Variants in TRIM4 observed in about 807,000 individuals in gnomAD.
TRIM4 encodes E3 ubiquitin-protein ligase TRIM4.
Under a neutral mutation model 33.7 loss-of-function variants are expected in TRIM4, and 29 were observed. The observed-to-expected ratio is 0.86, with a 90% confidence interval of 0.64 to 1.17. The LOEUF (loss-of-function observed/expected upper bound fraction) is 1.17, where lower values mean the gene tolerates loss of function less well. Among genes scored for constraint, TRIM4 ranks in the 50% most tolerant of loss-of-function variants. The probability of loss-of-function intolerance (pLI) is 0.00; values close to 1 mark genes in which losing one functional copy is unlikely to be tolerated. For missense variants in TRIM4, 554 were observed against 593.7 expected (o/e 0.93, Z 0.69); for synonymous variants, 224 against 233.0 (o/e 0.96, Z 0.35).
chr7:99,909,733 T>TTG, intron 1 of TRIM4, 73 bp from the exon 2 acceptor site: 3 of 897,256 alleles, frequency 3.3e-6, no homozygotes, highest in Non-Finnish European at 4.7e-6. Context: ...CTTTTTGTTT[T>TTG]TTTTTTTTTT....
At chr7:99,912,028 G>A (rs1819456927) in intron 1 of TRIM4, among the ~76,000 whole-genome samples, 1 of 152,126 alleles carries the variant, frequency 6.6e-6, no homozygotes, top group African/African-American at 2.4e-5. Flanking sequence ...TTTATATGAA[G>A]TTCTGGAACA....
intron 5 of TRIM4, among the ~76,000 whole-genome samples, chr7:99,896,980 GGGAGAT>G (rs2151642236): frequency 6.6e-6 from 1 of 152,346 alleles, no homozygotes; most frequent in African/African-American, 2.4e-5. Flanking sequence ...GCTGCAACTA[GGGAGAT>G]ATTAGCTCAG....
In TRIM4 at chr7:99,916,771, G is replaced by T. The variant is rs752806534; in HGVS notation, c.393+2238C>A. ...TCCATTCATCCACGTGGATGTCAAAGTTACCTGTCTAAAACAAAAAAAACG... is the reference window on the plus strand; with the variant it reads ...TCCATTCATCCACGTGGATGTCAAATTTACCTGTCTAAAACAAAAAAAACG... On this transcript the variant is annotated intron_variant, in intron 1 of 5. Coordinates refer to ENST00000349062, the MANE Select transcript of TRIM4 (RefSeq NM_033091.3). 3 of 780,826 alleles carry T rather than the reference G, an allele frequency of 3.8e-6. No individual in the cohort carries two copies. The African/African-American group carries it at 5.1e-5, about 13-fold the overall frequency. 48.4% of individuals were successfully genotyped at this position (780,826 alleles called of 1,614,324 possible).
intron 1 of TRIM4, among the ~76,000 whole-genome samples, chr7:99,917,146 T>C (rs541207143): frequency 5.3e-4 from 80 of 152,260 alleles, no homozygotes; most frequent in Non-Finnish European, 8.8e-4. Context: ...ACCTCAGACC[T>C]TCTGTACACT....
At chr7:99,916,530 T>G (rs1365663804) in intron 1 of TRIM4, among the ~76,000 whole-genome samples, 1 of 152,232 alleles carries the variant, frequency 6.6e-6, no homozygotes, top group African/African-American at 2.4e-5. Flanking sequence ...TCAGTTAACC[T>G]GACAGTCATC....
chr7:99,905,521 A>T (rs1819280795), intron 3 of TRIM4, among the ~76,000 whole-genome samples: 1 of 152,232 alleles, frequency 6.6e-6, no homozygotes, highest in South Asian at 2.1e-4. Context: ...GGAATACGAC[A>T]GTACTATACA....
chr7:99,918,916 G>T, intron 1 of TRIM4, 93 bp downstream of exon 1: 2 of 1,376,980 alleles, frequency 1.5e-6, no homozygotes, highest in South Asian at 1.4e-5. Flanking sequence ...CAGTAGGAAT[G>T]ACAGCCACTT....
intron 5 of TRIM4, among the ~76,000 whole-genome samples, chr7:99,896,522 C>A (rs575846554): frequency 3.4e-4 from 52 of 152,338 alleles, no homozygotes; most frequent in African/African-American, 1.2e-3. Context: ...TCCTGGACCA[C>A]CCAGCATATA....
intron 5 of TRIM4, among the ~76,000 whole-genome samples, chr7:99,898,777 G>A (rs1819083988): frequency 1.3e-5 from 2 of 152,150 alleles, no homozygotes; most frequent in South Asian, 4.1e-4. Flanking sequence ...GGTGGAAGCT[G>A]CACATTAATT....
chr7:99,894,943 ATG>A (rs886984648), intron 5 of TRIM4, among the ~76,000 whole-genome samples: 1 of 152,086 alleles, frequency 6.6e-6, no homozygotes. Context: ...GACATTAGTA[ATG>A]TGTGTTTTCT....
intron 5 of TRIM4, among the ~76,000 whole-genome samples, chr7:99,896,057 C>G (rs900471171): frequency 1.1e-4 from 17 of 151,650 alleles, no homozygotes; most frequent in Non-Finnish European, 2.1e-4. Context: ...TATTATTTTG[C>G]TGTTTTCTAT....
chr7:99,902,195 C>A (rs749355384), intron 5 of TRIM4: 6 of 762,140 alleles, frequency 7.9e-6, no homozygotes, highest in Non-Finnish European at 2.4e-6. Context: ...GAAAACAACT[C>A]GTTTATTTAC....
chr7:99,906,673 C>T (rs1377482074), intron 3 of TRIM4, among the ~76,000 whole-genome samples: 2 of 151,798 alleles, frequency 1.3e-5, no homozygotes, highest in Admixed American at 6.6e-5. Flanking sequence ...GAGAAGAAAC[C>T]CAAGGACCAA....
At chr7:99,901,866 TTCTC>T (rs1819178259) in intron 5 of TRIM4, 1 of 500,578 alleles carries the variant, frequency 2.0e-6, no homozygotes, top group South Asian at 3.3e-5. Flanking sequence ...ATGGCGAGGG[TTCTC>T]TCTGTGTCCG....
rs78857058 is a variant in TRIM4 at position 99,907,787 on chromosome 7, A to C, written c.720+795T>G. Among the ~76,000 whole-genome samples the C allele has an allele frequency of 4.1e-3, 625 of 152,354 alleles. 2 individuals carry two copies. The highest frequency in any genetic ancestry group is 0.014 in the African/African-American group (581 of 41,570). On this transcript the variant is annotated intron_variant, in intron 3 of 5. Coordinates refer to ENST00000349062, the MANE Select transcript of TRIM4 (RefSeq NM_033091.3). ...CAGAATGTTGTCTCTTGCTTATGAA[A>C]AAAAAATAGTAATGGTAGACAGAAA...
chr7:99,893,165 G>A (rs187144345), intron 5 of TRIM4, among the ~76,000 whole-genome samples: 10 of 152,338 alleles, frequency 6.6e-5, no homozygotes, highest in Admixed American at 6.5e-4. Flanking sequence ...TACTGGGGAG[G>A]CTGAGGCAGA....
At chr7:99,909,232 T>C (rs995109636) in intron 2 of TRIM4, among the ~76,000 whole-genome samples, 1 of 151,362 alleles carries the variant, frequency 6.6e-6, no homozygotes, top group Non-Finnish European at 1.5e-5. Context: ...ACCTAGGGAG[T>C]ATATTTAGGA....
rs577791728 is a variant in TRIM4, at chr7:99,917,513, A to G, written c.393+1496T>C. Among the ~76,000 whole-genome samples, 4 of 152,192 alleles carry G rather than the reference A, an allele frequency of 2.6e-5. No individual in the cohort carries two copies. In the South Asian group the frequency reaches 8.3e-4, roughly 32 times the overall value. On this transcript the variant is annotated intron_variant, in intron 1 of 5. Transcript: ENST00000349062. ...GGTGGGTGGATCACCTGAGGTCAGG[A>G]GTTCGAGACCAGCCTGACCAACATA... is the stretch of plus-strand genomic sequence containing the variant.
chr7:99,903,323 G>A lies in TRIM4; in HGVS notation c.744-8C>T. The A allele has an allele frequency of 6.3e-7, 1 of 1,598,760 alleles. No individual in the cohort carries two copies. The highest frequency in any genetic ancestry group is 8.6e-7 in the Non-Finnish European group (1 of 1,169,090). On this transcript the variant is annotated splice_polypyrimidine_tract_variant and splice_region_variant and intron_variant, in intron 4 of 5. Coordinates refer to ENST00000349062, the MANE Select transcript of TRIM4 (RefSeq NM_033091.3). Reference sequence around the variant, plus strand: ...ACATCCTGGATCTCACTCCTAAGAAGGTAGAGAAGACTGCTCTTAGGGGAC... The same window carrying A: ...ACATCCTGGATCTCACTCCTAAGAAAGTAGAGAAGACTGCTCTTAGGGGAC...
Sources: allele counts gnomAD v4.1 joint callset (sites outside exome capture counted in the v4.1 genomes callset), GRCh38; gene constraint gnomAD v4.1.1; transcripts MANE v1.5; gene names NCBI Gene and HGNC (gene_info 2026-07-23, HGNC 2026-07-21).